TCF7L2: variants seen among roughly 807,000 people sequenced by gnomAD.
The protein encoded by TCF7L2 is transcription factor 7-like 2.
TCF7L2 carries 23 observed loss-of-function variants against 77.9 expected under a neutral mutation model. The ratio of observed to expected loss-of-function variants is 0.30; its 90% CI spans 0.21 to 0.42. The LOEUF (loss-of-function observed/expected upper bound fraction) is 0.42. Ranked by LOEUF, TCF7L2 falls within the 10% of genes least tolerant of loss-of-function variation. The pLI is 1.00. For synonymous variants in TCF7L2, 413 were observed against 340.2 expected, an observed-to-expected ratio of 1.21 and a Z score of -2.36; for missense variants, 654 against 793.1, an observed-to-expected ratio of 0.82 and a Z score of 2.11.
At chr10:113,131,073 T>A (rs2066522770) in intron 5 of TCF7L2, among the ~76,000 whole-genome samples, 1 of 152,136 alleles carries the variant, frequency 6.6e-6, no homozygotes, top group Admixed American at 6.5e-5. Context: ...GCCGGAGTGA[T>A]TATCTTTTGC....
intron 5 of TCF7L2, among the ~76,000 whole-genome samples, chr10:113,045,137 T>C (rs138529429): frequency 4.0e-4 from 61 of 152,192 alleles, no homozygotes; most frequent in Non-Finnish European, 8.2e-4. Context: ...GTATTTGCCA[T>C]TGATTGATTC....
intron 6 of TCF7L2, among the ~76,000 whole-genome samples, chr10:113,141,562 G>T (rs1038829470): frequency 3.9e-5 from 6 of 152,158 alleles, no homozygotes; most frequent in African/African-American, 1.4e-4. Context: ...ATCTCTTTAT[G>T]GCTTCCAGTA....
intron 5 of TCF7L2, among the ~76,000 whole-genome samples, chr10:113,078,269 TCAA>T (rs2058942429): frequency 6.6e-6 from 1 of 152,134 alleles, no homozygotes; most frequent in Admixed American, 6.5e-5. Context: ...TCCACACAGT[TCAA>T]CAAATATGTA....
chr10:112,993,045 G>A (rs554973444), intron 4 of TCF7L2, among the ~76,000 whole-genome samples: 1 of 152,146 alleles, frequency 6.6e-6, no homozygotes, highest in African/African-American at 2.4e-5. Flanking sequence ...TCACAGGCGT[G>A]AGCCACCGCA....
At chr10:113,103,764 A>T (rs1412806434) in intron 5 of TCF7L2, among the ~76,000 whole-genome samples, 1 of 152,160 alleles carries the variant, frequency 6.6e-6, no homozygotes, top group Non-Finnish European at 1.5e-5. Context: ...ATATTTGCAC[A>T]GTGTGTGGTC....
intron 4 of TCF7L2, among the ~76,000 whole-genome samples, chr10:112,981,700 A>G (rs934532553): frequency 2.6e-5 from 4 of 152,244 alleles, no homozygotes; most frequent in Non-Finnish European, 5.9e-5. Flanking sequence ...CACATGCCAC[A>G]TGCAAAGCAG....
At chr10:113,120,572 G>A (rs1333077885) in intron 5 of TCF7L2, among the ~76,000 whole-genome samples, 1 of 152,176 alleles carries the variant, frequency 6.6e-6, no homozygotes, top group African/African-American at 2.4e-5. Context: ...GGTAATCAGA[G>A]TCTTGGGTAC....
At chr10:113,079,580 C>A (rs1015862503) in intron 5 of TCF7L2, among the ~76,000 whole-genome samples, 2 of 152,140 alleles carry the variant, frequency 1.3e-5, no homozygotes, top group African/African-American at 4.8e-5. Context: ...TTAAGAGATC[C>A]CTAAAAACTG....
intron 5 of TCF7L2, among the ~76,000 whole-genome samples, chr10:113,120,510 G>A (rs1166368899): frequency 1.3e-5 from 2 of 152,170 alleles, no homozygotes; most frequent in Non-Finnish European, 2.9e-5. Context: ...AATGACAAGG[G>A]AGCCATTGAG....
chr10:113,049,278 G>A (rs1193864349), intron 5 of TCF7L2, among the ~76,000 whole-genome samples: 1 of 151,806 alleles, frequency 6.6e-6, no homozygotes, highest in Non-Finnish European at 1.5e-5. Flanking sequence ...CAGAATCCAC[G>A]TCTTTAGTGC....
At chr10:112,985,969 A>G (rs189186508) in intron 4 of TCF7L2, among the ~76,000 whole-genome samples, 16 of 152,160 alleles carry the variant, frequency 1.1e-4, no homozygotes, top group Non-Finnish European at 1.2e-4. Context: ...TATTCAAATC[A>G]AAGTCACCCA....
chr10:112,973,906 G>C (rs2038850546), intron 4 of TCF7L2, among the ~76,000 whole-genome samples: 1 of 152,104 alleles, frequency 6.6e-6, no homozygotes, highest in Non-Finnish European at 1.5e-5. Flanking sequence ...TAATTGTTTT[G>C]TAGAGACGGG....
intron 5 of TCF7L2, among the ~76,000 whole-genome samples, chr10:113,116,488 A>T (rs2063749375): frequency 6.6e-6 from 1 of 152,268 alleles, no homozygotes; most frequent in South Asian, 2.1e-4. Context: ...ACAGAAAAAT[A>T]AACATTATAT....
intron 5 of TCF7L2, among the ~76,000 whole-genome samples, chr10:113,119,691 T>A (rs113378277): frequency 9.1e-4 from 139 of 152,188 alleles, no homozygotes; most frequent in African/African-American, 3.2e-3. Context: ...TAAAAAAACT[T>A]ATCGAAGGTT....
chr10:113,035,732 A>G (rs2134167489), intron 4 of TCF7L2, among the ~76,000 whole-genome samples: 1 of 152,346 alleles, frequency 6.6e-6, no homozygotes, highest in East Asian at 1.9e-4. Flanking sequence ...ACACATCAAG[A>G]GAGGAATAAT....
At chr10:113,016,601 T>C (rs1428728347) in intron 4 of TCF7L2, among the ~76,000 whole-genome samples, 1 of 151,786 alleles carries the variant, frequency 6.6e-6, no homozygotes, top group Non-Finnish European at 1.5e-5. Flanking sequence ...GGAGACAGAG[T>C]GGGGAGCTCT....
At chr10:113,131,261 A>T (rs921098213) in intron 5 of TCF7L2, among the ~76,000 whole-genome samples, 1 of 152,240 alleles carries the variant, frequency 6.6e-6, no homozygotes, top group African/African-American at 2.4e-5. Context: ...TATTTTCAAC[A>T]TCATGAATTA....
At chr10:113,124,409 T>C (rs938523028) in intron 5 of TCF7L2, among the ~76,000 whole-genome samples, 2 of 152,158 alleles carry the variant, frequency 1.3e-5, no homozygotes, top group Admixed American at 6.5e-5. Flanking sequence ...CCACGATTCA[T>C]TGGGTAGATT....
chr10:113,126,061 G>A (rs1450189737), intron 5 of TCF7L2: 1 of 149,926 alleles, frequency 6.7e-6, no homozygotes, highest in African/African-American at 2.4e-5. Flanking sequence ...TTTAATATGT[G>A]TTAGGACCAT....
Sources: allele counts gnomAD v4.1 joint callset (sites outside exome capture counted in the v4.1 genomes callset), GRCh38; gene constraint gnomAD v4.1.1; transcripts MANE v1.5; gene names NCBI Gene and HGNC (gene_info 2026-07-23, HGNC 2026-07-21).